VPS35L: variants seen among roughly 807,000 people sequenced by gnomAD.
VPS35L encodes VPS35 endosomal protein-sorting factor-like.
VPS35L carries 83 observed loss-of-function variants against 133.0 expected under a neutral mutation model. The observed-to-expected ratio is 0.62, with a 90% CI of 0.52 to 0.75. The LOEUF is 0.75. Ranked by LOEUF, VPS35L falls within the 30% of genes least tolerant of loss-of-function variation. VPS35L has a pLI of 0.00. For missense variants in VPS35L, 1,083 were observed against 1,206.8 expected (o/e 0.90, Z 1.52); for synonymous variants, 423 against 449.9 (o/e 0.94, Z 0.76).
chr16:19,574,548 G>GT (rs1971476286), intron 4 of VPS35L, among the ~76,000 whole-genome samples: 1 of 151,986 alleles, frequency 6.6e-6, no homozygotes, highest in African/African-American at 2.4e-5. Flanking sequence ...CCCAGGGTGT[G>GT]TACTCATTGA....
At position 19,650,448 on chromosome 16, in the gene VPS35L, G is replaced by A; in HGVS notation, c.2095G>A (p.Ala699Thr). The A allele has an allele frequency of 6.2e-7, 1 of 1,613,404 alleles. No homozygotes were observed. The highest frequency in any genetic ancestry group is 8.5e-7 in the Non-Finnish European group (1 of 1,179,362). Residue 699 changes from alanine (A) to threonine (T), a missense_variant, in exon 25 of 31, where the codon GCA becomes ACA. Ala to Thr is a moderately conservative substitution (Grantham distance 58). Transcript: ENST00000417362. Reference protein sequence around the residue: ...MKGNHSRKTAAFVRACVAYCF... With the variant: ...MKGNHSRKTATFVRACVAYCF... ...AGGAAATCATTCCAGAAAGACAGCT[G>A]CATTTGTCCGGGTATGTTCTTAAGA...
At chr16:19,640,202 C>T (rs186801352) in intron 21 of VPS35L, 102 bp downstream of exon 21, 79 of 1,028,730 alleles carry the variant, frequency 7.7e-5, no homozygotes, top group Admixed American at 3.8e-4. Context: ...GTGATGTGTA[C>T]GTATTTCATA....
At chr16:19,587,926 A>G (rs1971923098) in intron 7 of VPS35L, among the ~76,000 whole-genome samples, 1 of 147,930 alleles carries the variant, frequency 6.8e-6, no homozygotes, top group Non-Finnish European at 1.5e-5. Flanking sequence ...CAGCCTCCCC[A>G]GTAGCTGGGA....
At position 19,639,940 on chromosome 16, in the gene VPS35L, G is replaced by A. The variant is rs1364352385; in HGVS notation, c.1699-75G>A. ...CTGTTCTGCTTCTTTGAACTCCACA[G>A]AAAAAGAGACCCACAGATTCCTTCC... On this transcript the variant is annotated intron_variant, in intron 20 of 30. Coordinates refer to ENST00000417362, the MANE Select transcript of VPS35L (RefSeq NM_020314.7). The surrounding 1 kb of genome is among the most constrained non-coding windows in gnomAD (Gnocchi z 4.1). 1 of 1,324,000 alleles carries A rather than the reference G, an allele frequency of 7.6e-7. No homozygotes were observed. The highest frequency in any genetic ancestry group is 1.2e-5 in the South Asian group (1 of 80,248). The allele number at this position is 1,324,000 out of a possible 1,614,324, so 82.0% of individuals were successfully genotyped here.
chr16:19,699,537 CTTT>C lies in VPS35L; in HGVS notation c.2683_2685del (p.Phe895del), dbSNP rs1976036044. The C allele has an allele frequency of 6.2e-7, 1 of 1,614,202 alleles. No individual in the cohort carries two copies. The highest frequency in any genetic ancestry group is 8.5e-7 in the Non-Finnish European group (1 of 1,180,042). On this transcript the variant is annotated inframe_deletion, in exon 30 of 31. Coordinates refer to ENST00000417362, the MANE Select transcript of VPS35L (RefSeq NM_020314.7). The surrounding 1 kb of genome is among the most constrained non-coding windows in gnomAD (Gnocchi z 4.2). ...GCCAGAGCTCGTTGGGCCTTTCCTT[CTTT>C]AACAGCATCTTGGCCCATGGGGACC... is the stretch of plus-strand genomic sequence containing the variant.
intron 12 of VPS35L, among the ~76,000 whole-genome samples, chr16:19,612,553 C>T (rs1302131634): frequency 6.6e-6 from 1 of 152,174 alleles, no homozygotes; most frequent in Non-Finnish European, 1.5e-5. Context: ...CGTGCCCAGC[C>T]TTGTTTATGT....
chr16:19,585,463 T>G (rs1012301225), intron 7 of VPS35L, among the ~76,000 whole-genome samples: 2 of 150,622 alleles, frequency 1.3e-5, no homozygotes, highest in Non-Finnish European at 3.0e-5. Context: ...AGTGCAGTGG[T>G]GTAATCATAG....
At chr16:19,616,650 C>T in intron 13 of VPS35L, 36 bp from the exon 14 acceptor site, 2 of 1,601,860 alleles carry the variant, frequency 1.2e-6, no homozygotes, top group Non-Finnish European at 8.5e-7. Context: ...TTGGTTTTTC[C>T]CCTCCTTTTC....
At chr16:19,652,422 C>T (rs1455407180) in intron 26 of VPS35L, 1 of 207,526 alleles carries the variant, frequency 4.8e-6, no homozygotes, top group Non-Finnish European at 9.7e-6. Context: ...CTGCTTCCCA[C>T]CTGGGCTCAA....
intron 26 of VPS35L, among the ~76,000 whole-genome samples, chr16:19,655,508 C>T (rs553112783): frequency 6.6e-6 from 1 of 152,244 alleles, no homozygotes; most frequent in Non-Finnish European, 1.5e-5. Flanking sequence ...TCCCTTAATC[C>T]GGCCTTGGTT....
intron 1 of VPS35L, among the ~76,000 whole-genome samples, chr16:19,559,853 A>AT (rs1463305833): frequency 6.6e-6 from 1 of 151,920 alleles, no homozygotes; most frequent in East Asian, 1.9e-4. Context: ...TGCCTGGCTA[A>AT]TTTTTTTGTG....
intron 29 of VPS35L, among the ~76,000 whole-genome samples, chr16:19,693,041 C>T (rs1462754802): frequency 6.6e-6 from 1 of 152,224 alleles, no homozygotes; most frequent in Non-Finnish European, 1.5e-5. Flanking sequence ...GCCCGTAGCA[C>T]CTTCTGTAGG....
At chr16:19,685,051 CAA>C (rs10709905) in intron 28 of VPS35L, among the ~76,000 whole-genome samples, 87 of 116,696 alleles carry the variant, frequency 7.5e-4, no homozygotes, top group South Asian at 8.2e-4. Context: ...GACTCCATCT[CAA>C]AAAAAAAAAA....
chr16:19,569,204 A>C, intron 2 of VPS35L: 1 of 703,060 alleles, frequency 1.4e-6, no homozygotes. Flanking sequence ...TTTTTTTAAC[A>C]CTTCCTAACC....
chr16:19,682,427 G>A (rs1975317473), intron 28 of VPS35L, 37 bp downstream of exon 28: 2 of 1,585,684 alleles, frequency 1.3e-6, no homozygotes, highest in East Asian at 2.2e-5. Flanking sequence ...TGCTCCGCAT[G>A]GATTTCATGA....
At chr16:19,613,066 C>T (rs1972776499) in intron 12 of VPS35L, among the ~76,000 whole-genome samples, 1 of 152,074 alleles carries the variant, frequency 6.6e-6, no homozygotes, top group African/African-American at 2.4e-5. Flanking sequence ...TTTGGGAGGC[C>T]GAGGCGGGCA....
intron 18 of VPS35L, among the ~76,000 whole-genome samples, chr16:19,632,610 T>A (rs748745095): frequency 6.6e-6 from 1 of 152,230 alleles, no homozygotes; most frequent in South Asian, 2.1e-4. Flanking sequence ...TTAAAAGCCA[T>A]TCTTAGCTTG....
Position 19,663,110 on chromosome 16 carries a change from G to T in VPS35L, c.2222-6050G>T, listed in dbSNP as rs111842180. Among the ~76,000 whole-genome samples the T allele has an allele frequency of 8.5e-5, 13 of 152,222 alleles. 1 individual carries two copies. The highest frequency in any genetic ancestry group is 4.1e-4 in the South Asian group (2 of 4,822). ...AGATCACCTGAGTTCAGGAGTTCGA[G>T]ATCAGCCTGACCAACATGGAGAAGC... is the stretch of plus-strand genomic sequence containing the variant. On this transcript the variant is annotated intron_variant, in intron 26 of 30. Transcript: ENST00000417362.
chr16:19,677,113 T>G lies in VPS35L; in HGVS notation c.2362-5112T>G, dbSNP rs573572841. ...TGGAGTCATGCTCTGTCACCCAGGC[T>G]AGAATGCAGCGGTGTGATCTCGGTT... On this transcript the variant is annotated intron_variant, in intron 27 of 30. Coordinates refer to ENST00000417362, the MANE Select transcript of VPS35L (RefSeq NM_020314.7). Among the ~76,000 whole-genome samples the G allele has an allele frequency of 2.6e-5, 4 of 151,684 alleles. No homozygotes were observed. In the East Asian group the frequency reaches 7.8e-4, roughly 30 times the overall value.
Sources: gnomAD v4.1 joint callset for allele counts (sites outside exome capture counted in the v4.1 genomes callset) on GRCh38, gnomAD v4.1.1 for gene constraint, Gnocchi (gnomAD v3.1) non-coding constraint, MANE v1.5 for transcripts, NCBI Gene and HGNC (gene_info 2026-07-23, HGNC 2026-07-21) for gene names.